The following DAO variants were observed in gnomAD, a reference collection of about 807,000 sequenced individuals.
The protein encoded by DAO is D-amino acid oxidase, also known as D-amino-acid oxidase.
A neutral mutation model predicts 50.1 loss-of-function variants in DAO; 51 were observed. The ratio of observed to expected loss-of-function variants is 1.02; its 90% confidence interval spans 0.81 to 1.29. The LOEUF (loss-of-function observed/expected upper bound fraction) is 1.29. Ranked by LOEUF, DAO falls within the 50% of genes most tolerant of loss-of-function variation. The pLI, the probability that DAO is intolerant of heterozygous loss-of-function variation, is 0.00. For synonymous variants in DAO, 160 were observed against 166.2 expected, an observed-to-expected ratio of 0.96 and a Z score of 0.29; for missense variants, 436 against 439.4, an observed-to-expected ratio of 0.99 and a Z score of 0.07.
At chr12:108,887,655 C>A in intron 3 of DAO, 91 bp downstream of exon 3, 2 of 927,306 alleles carry the variant, frequency 2.2e-6, no homozygotes, top group Non-Finnish European at 1.8e-6. Context: ...CAGATGAGGG[C>A]GGGGTGCTTT....
intron 8 of DAO, 75 bp downstream of exon 8, chr12:108,897,163 G>T (rs1453998068): frequency 2.0e-6 from 2 of 990,922 alleles, no homozygotes; most frequent in Middle Eastern, 2.1e-4. Flanking sequence ...CCTCCCCCAA[G>T]CTCCTTACTC....
Position 108,894,323 on chromosome 12 carries a change from C to A in DAO, c.568C>A (p.Gln190Lys). Residue 190 changes from glutamine (Q) to lysine (K), a missense_variant, in exon 7 of 11, where the codon CAA becomes AAA. Transcript: ENST00000228476. ...NCTGVWAGAL[Q>K]RDPLLQPGRG... ...CACTGGGGTATGGGCTGGGGCGCTA[C>A]AACGAGACCCCCTGCTGCAGCCAGG... 1.9e-6 allele frequency: 3 copies of A among 1,614,056 alleles called. No homozygotes were observed. The highest frequency in any genetic ancestry group is 2.5e-6 in the Non-Finnish European group (3 of 1,180,008).
Position 108,900,845 on chromosome 12 carries a change from A to G in DAO, c.*310A>G, listed in dbSNP as rs1048036771. 1.4e-5 allele frequency: 5 copies of G among 357,118 alleles called. No homozygotes were observed. The highest frequency in any genetic ancestry group is 2.7e-5 in the Non-Finnish European group (5 of 185,546). The allele number at this position is 357,118 out of a possible 1,614,324, so 22.1% of individuals were successfully genotyped here. On this transcript the variant is annotated 3_prime_UTR_variant, in exon 11 of 11. Transcript: ENST00000228476. ...AGAGGCCAACTGCCCAGAGCCACAG[A>G]AAATGGAGGATAATTGAGGCTAAGT...
rs1016015238 is a variant in DAO at position 108,894,730 on chromosome 12, A to G, written c.612+363A>G. On this transcript the variant is annotated intron_variant, in intron 7 of 10. Transcript: ENST00000228476. ...TTGTGTTATTATTATTATCATTGTT[A>G]TTATTATTTTTGAGACAGGGTATCA... Among the ~76,000 whole-genome samples, 2 of 152,016 alleles carry G rather than the reference A, an allele frequency of 1.3e-5. 1 individual carries two copies. The highest frequency in any genetic ancestry group is 2.9e-5 in the Non-Finnish European group (2 of 67,940).
rs2039466643 is a variant in DAO at position 108,889,454 on chromosome 12, G to A, written c.310-15G>A. 6.2e-7 allele frequency: 1 copy of A among 1,604,196 alleles called. No homozygotes were observed. Among genetic ancestry groups the A allele is most frequent in the Non-Finnish European group, 8.5e-7 (1 of 1,172,668 alleles). On this transcript the variant is annotated splice_polypyrimidine_tract_variant and intron_variant, in intron 3 of 10. Transcript: ENST00000228476. ...TTCCATCCCACCCAGTGCCCCCTTTGTCCTTCCTCTTCAGGACCCTTCCTG... is the reference window on the plus strand; with the variant it reads ...TTCCATCCCACCCAGTGCCCCCTTTATCCTTCCTCTTCAGGACCCTTCCTG...
chr12:108,891,680 C>T (rs758380592), intron 5 of DAO, among the ~76,000 whole-genome samples: 4 of 151,830 alleles, frequency 2.6e-5, no homozygotes, highest in Non-Finnish European at 4.4e-5. Flanking sequence ...CTCACAGCAG[C>T]CTCAACTTCC....
intron 1 of DAO, among the ~76,000 whole-genome samples, chr12:108,881,383 T>C (rs1467780337): frequency 1.3e-5 from 2 of 151,598 alleles, no homozygotes; most frequent in Non-Finnish European, 2.9e-5. Flanking sequence ...CCTACACGCA[T>C]GAATGATTTT....
chr12:108,892,512 G>A (rs931495666), intron 5 of DAO, among the ~76,000 whole-genome samples: 3 of 152,116 alleles, frequency 2.0e-5, no homozygotes, highest in Non-Finnish European at 2.9e-5. Context: ...CCTATGGGAT[G>A]TTTAAAAGGA....
chr12:108,887,225 T>C (rs187330743), intron 2 of DAO, among the ~76,000 whole-genome samples: 3 of 152,294 alleles, frequency 2.0e-5, no homozygotes, highest in African/African-American at 7.2e-5. Flanking sequence ...TGATGGGGCA[T>C]CCTTCATTCC....
At chr12:108,898,897 C>A in intron 9 of DAO, 101 bp downstream of exon 9, 3 of 772,498 alleles carry the variant, frequency 3.9e-6, no homozygotes, top group South Asian at 2.9e-5. Context: ...GATAACTGGG[C>A]AAATTAATTC....
intron 6 of DAO, 72 bp downstream of exon 6, chr12:108,893,108 CG>C (rs1350549400): frequency 1.4e-6 from 2 of 1,405,906 alleles, no homozygotes; most frequent in Non-Finnish European, 1.0e-6. Context: ...GCTGCTGAGT[CG>C]GGGGCTCCCT....
At chr12:108,885,287 C>T in intron 2 of DAO, 87 bp downstream of exon 2, 4 of 1,309,232 alleles carry the variant, frequency 3.1e-6, no homozygotes, top group Non-Finnish European at 4.4e-6. Flanking sequence ...CAAGAGCAAG[C>T]CCCTTGTGGA....
intron 7 of DAO, among the ~76,000 whole-genome samples, chr12:108,896,523 G>C (rs2039559727): frequency 6.6e-6 from 1 of 151,848 alleles, no homozygotes; most frequent in Non-Finnish European, 1.5e-5. Flanking sequence ...TCAGTGTGGA[G>C]TCTGTTGAAA....
chr12:108,887,036 A>C (rs1304345506), intron 2 of DAO, among the ~76,000 whole-genome samples: 1 of 152,142 alleles, frequency 6.6e-6, no homozygotes, highest in Non-Finnish European at 1.5e-5. Context: ...CTGTGTGCCC[A>C]GGGGGAGGAG....
chr12:108,890,358 T>C lies in DAO; in HGVS notation c.452+85T>C, dbSNP rs112226990. 9.7e-6 allele frequency: 10 copies of C among 1,034,098 alleles called. 1 individual carries two copies. The African/African-American group carries it at 1.4e-4, about 15-fold the overall frequency. 64.1% of individuals were successfully genotyped at this position (1,034,098 alleles called of 1,614,324 possible). The stretch of plus-strand genomic sequence containing the variant: ...GATGGTTCGTGGGCTTCCCTCAGCA[T>C]GGACTAACCCCCAGGTTTGAAGAAT... On this transcript the variant is annotated intron_variant, in intron 5 of 10. Coordinates refer to ENST00000228476, the MANE Select transcript of DAO (RefSeq NM_001917.5).
At chr12:108,891,552 T>C (rs1196681428) in intron 5 of DAO, among the ~76,000 whole-genome samples, 1 of 152,054 alleles carries the variant, frequency 6.6e-6, no homozygotes, top group Non-Finnish European at 1.5e-5. Flanking sequence ...CCCCACTCTA[T>C]ACCTGCTGAA....
chr12:108,898,774 G>A lies in DAO; in HGVS notation c.791G>A (p.Cys264Tyr). 6.2e-7 allele frequency: 1 copy of A among 1,613,622 alleles called. No homozygotes were observed. The highest frequency in any genetic ancestry group is 8.5e-7 in the Non-Finnish European group (1 of 1,179,566). The change falls in exon 9 of 11, where the codon TGC (cysteine) becomes TAC (tyrosine). Residue 264 changes from cysteine (C) to tyrosine (Y), a missense_variant. Coordinates refer to ENST00000228476, the MANE Select transcript of DAO (RefSeq NM_001917.5). ...QDHNTIWEGC[C>Y]RLEPTLKNAR... ...CACAACACCATTTGGGAAGGCTGCTGCAGACTGGAGCCCACACTGAAGGTA... is the reference window on the plus strand; with the variant it reads ...CACAACACCATTTGGGAAGGCTGCTACAGACTGGAGCCCACACTGAAGGTA...
Position 108,898,736 on chromosome 12 carries a change from C to T in DAO, c.753C>T (p.Asn251=). The change falls in exon 9 of 11, where the codon AAC becomes AAT. Residue 251 remains asparagine (N), a synonymous_variant. Transcript: ENST00000228476. The part of the protein sequence containing the change: ...IFQLGNWSEL[N]NIQDHNTIWE... The stretch of plus-strand genomic sequence containing the variant: ...AGTTGGGAAACTGGAGTGAACTAAA[C>T]AATATCCAGGACCACAACACCATTT... 1 of 1,614,078 alleles carries T rather than the reference C, an allele frequency of 6.2e-7. No homozygotes were observed. Among genetic ancestry groups the T allele is most frequent in the Non-Finnish European group, 8.5e-7 (1 of 1,179,988 alleles).
intron 5 of DAO, 47 bp downstream of exon 5, chr12:108,890,320 A>C (rs371827483): frequency 6.9e-7 from 1 of 1,456,022 alleles, no homozygotes; most frequent in Non-Finnish European, 9.6e-7. Flanking sequence ...CCAGAGACCA[A>C]GTTGTAGTGG....
Sources: gnomAD v4.1 joint callset for allele counts (sites outside exome capture counted in the v4.1 genomes callset) on GRCh38, gnomAD v4.1.1 for gene constraint, MANE v1.5 for transcripts, NCBI Gene and HGNC (gene_info 2026-07-23, HGNC 2026-07-21) for gene names.